Variants in CNTNAP5 observed in about 807,000 individuals in gnomAD.
CNTNAP5 encodes contactin associated protein family member 5.
In CNTNAP5, 72 loss-of-function variants were observed where a neutral mutation model predicts 150.2. The ratio of observed to expected loss-of-function variants is 0.48; its 90% CI spans 0.40 to 0.58. CNTNAP5 has a LOEUF of 0.58. Ranked by LOEUF, CNTNAP5 falls within the 20% of genes least tolerant of loss-of-function variation. The probability of loss-of-function intolerance (pLI) is 0.00; values close to 1 mark genes in which losing one functional copy is unlikely to be tolerated. For synonymous variants in CNTNAP5, 672 were observed against 619.8 expected (o/e 1.08, Z -1.25); for missense variants, 1,636 against 1,626.2 (o/e 1.01, Z -0.10).
intron 13 of CNTNAP5, among the ~76,000 whole-genome samples, chr2:124,651,144 A>G (rs1194918578): frequency 6.6e-6 from 1 of 152,228 alleles, no homozygotes; most frequent in Non-Finnish European, 1.5e-5. Flanking sequence ...GTCAAAGATG[A>G]TTATAAATAG....
At chr2:124,660,038 GGAA>G (rs1215629878) in intron 13 of CNTNAP5, among the ~76,000 whole-genome samples, 5 of 90,668 alleles carry the variant, frequency 5.5e-5, no homozygotes, top group African/African-American at 1.8e-4. Context: ...AAGGAAGGAA[GGAA>G]GAAAGGAAGG....
chr2:124,380,191 G>A (rs1230692911), intron 3 of CNTNAP5, among the ~76,000 whole-genome samples: 2 of 152,022 alleles, frequency 1.3e-5, no homozygotes, highest in Admixed American at 6.6e-5. Flanking sequence ...AGTGTATTAA[G>A]ATTAACCATG....
intron 3 of CNTNAP5, among the ~76,000 whole-genome samples, chr2:124,304,105 A>T (rs1390199313): frequency 1.1e-4 from 16 of 152,206 alleles, no homozygotes; most frequent in Non-Finnish European, 1.5e-5. Flanking sequence ...CTAGGGAGAT[A>T]TGATGCTCAA....
rs531151442 is a variant in CNTNAP5, at chr2:124,055,461, C to T, written c.82+29729C>T. On this transcript the variant is annotated intron_variant, in intron 1 of 23. Transcript: ENST00000682447. Reference sequence around the variant, plus strand: ...GGATAGCTTTCTTCCCCTTCTCTGCCAGCCTATATCCTGTTCAACTTTCAC... The same window carrying T: ...GGATAGCTTTCTTCCCCTTCTCTGCTAGCCTATATCCTGTTCAACTTTCAC... Among the ~76,000 whole-genome samples, 3 of 152,232 alleles carry T rather than the reference C, an allele frequency of 2.0e-5. No homozygotes were observed. The South Asian group carries it at 6.2e-4, about 32-fold the overall frequency.
intron 12 of CNTNAP5, among the ~76,000 whole-genome samples, chr2:124,627,331 G>A (rs746687113): frequency 3.3e-5 from 5 of 152,056 alleles, no homozygotes; most frequent in East Asian, 1.9e-4. Flanking sequence ...AAATCCCAGC[G>A]GACATCAGGT....
intron 21 of CNTNAP5, among the ~76,000 whole-genome samples, chr2:124,883,806 G>A (rs555298600): frequency 6.6e-6 from 1 of 152,070 alleles, no homozygotes; most frequent in Non-Finnish European, 1.5e-5. Flanking sequence ...ACACGTGTGG[G>A]CAACTGTGTG....
intron 1 of CNTNAP5, among the ~76,000 whole-genome samples, chr2:124,207,386 G>C (rs1018778556): frequency 6.6e-6 from 1 of 152,092 alleles, no homozygotes; most frequent in Admixed American, 6.5e-5. Context: ...CCTTGTTCAG[G>C]AAAAGAACCC....
chr2:124,504,702 C>CATTTTTTT, intron 8 of CNTNAP5, 146 bp downstream of exon 8: 1 of 557,788 alleles, frequency 1.8e-6, no homozygotes, highest in Non-Finnish European at 2.9e-6. Flanking sequence ...GAAGAGGCAG[C>CATTTTTTT]ATTTTTTTTT....
At chr2:124,123,594 C>A (rs1345703289) in intron 1 of CNTNAP5, among the ~76,000 whole-genome samples, 1 of 152,158 alleles carries the variant, frequency 6.6e-6, no homozygotes, top group African/African-American at 2.4e-5. Context: ...TGAGAACGGA[C>A]AGAATGCCTC....
intron 19 of CNTNAP5, among the ~76,000 whole-genome samples, chr2:124,852,320 C>G (rs745652531): frequency 4.3e-4 from 65 of 152,134 alleles, no homozygotes; most frequent in Non-Finnish European, 2.8e-4. Flanking sequence ...CTCATGGGAC[C>G]TAAGATGTGA....
chr2:124,025,858 A>T lies in CNTNAP5; in HGVS notation c.82+126A>T, dbSNP rs72976573. Reference sequence around the variant, plus strand: ...CAAAGGAAACGGAAAAAAAATGCTGATCAGTGTGGTTCCATCACTCCAACC... The same window carrying T: ...CAAAGGAAACGGAAAAAAAATGCTGTTCAGTGTGGTTCCATCACTCCAACC... On this transcript the variant is annotated intron_variant, in intron 1 of 23. Coordinates refer to ENST00000682447, the MANE Select transcript of CNTNAP5 (RefSeq NM_001367498.1). 2,643 of 823,280 alleles carry T rather than the reference A, an allele frequency of 3.2e-3. 56 individuals carry two copies. In the African/African-American group the frequency reaches 0.038, roughly 12 times the overall value. 51.0% of individuals were successfully genotyped at this position (823,280 alleles called of 1,614,324 possible).
chr2:124,905,883 T>C (rs989120674), intron 22 of CNTNAP5, among the ~76,000 whole-genome samples: 1 of 152,120 alleles, frequency 6.6e-6, no homozygotes, highest in Non-Finnish European at 1.5e-5. Flanking sequence ...ACCTAATACT[T>C]GGCCTTGAGT....
chr2:124,470,802 C>T (rs181557504), intron 6 of CNTNAP5, among the ~76,000 whole-genome samples: 2 of 152,208 alleles, frequency 1.3e-5, no homozygotes, highest in African/African-American at 4.8e-5. Context: ...CCTGTTATCC[C>T]AGCACCATTT....
chr2:124,838,353 C>T (rs1682872053), intron 19 of CNTNAP5, among the ~76,000 whole-genome samples: 1 of 152,034 alleles, frequency 6.6e-6, no homozygotes. Flanking sequence ...ATCCAGATTG[C>T]TTAGCTCTTA....
chr2:124,669,615 C>T (rs539201548), intron 13 of CNTNAP5, among the ~76,000 whole-genome samples: 1 of 152,304 alleles, frequency 6.6e-6, no homozygotes, highest in East Asian at 1.9e-4. Flanking sequence ...ATGCATATAT[C>T]CACCTGCCTA....
At chr2:124,203,757 G>A (rs952409396) in intron 1 of CNTNAP5, among the ~76,000 whole-genome samples, 16 of 152,082 alleles carry the variant, frequency 1.1e-4, no homozygotes, top group South Asian at 8.3e-4. Flanking sequence ...GTTGGGATGC[G>A]GAGCACCAAG....
chr2:124,374,200 A>C (rs913327250), intron 3 of CNTNAP5, among the ~76,000 whole-genome samples: 1 of 152,120 alleles, frequency 6.6e-6, no homozygotes, highest in African/African-American at 2.4e-5. Context: ...GAGAAATGTC[A>C]ATTATATTAT....
At chr2:124,598,473 G>C (rs1173009392) in intron 11 of CNTNAP5, among the ~76,000 whole-genome samples, 1 of 146,610 alleles carries the variant, frequency 6.8e-6, no homozygotes, top group African/African-American at 2.5e-5. Context: ...AGGGGTCAGG[G>C]ACCCACTTGA....
At chr2:124,529,954 G>A (rs1042994267) in intron 10 of CNTNAP5, among the ~76,000 whole-genome samples, 2 of 152,106 alleles carry the variant, frequency 1.3e-5, no homozygotes, top group African/African-American at 4.8e-5. Context: ...CCCCAACCGG[G>A]CATCTTACAT....
Sources: allele counts gnomAD v4.1 joint callset (sites outside exome capture counted in the v4.1 genomes callset), GRCh38; gene constraint gnomAD v4.1.1; transcripts MANE v1.5; gene names NCBI Gene and HGNC (gene_info 2026-07-23, HGNC 2026-07-21).